The following JAZF1 variants were observed in gnomAD, a reference collection of about 807,000 sequenced individuals.
JAZF1 encodes the protein juxtaposed with another zinc finger protein 1.
Under a neutral mutation model 26.4 loss-of-function variants are expected in JAZF1, and 8 were observed. The ratio of observed to expected loss-of-function variants is 0.30; its 90% CI spans 0.18 to 0.55. The LOEUF (loss-of-function observed/expected upper bound fraction) is 0.55, where lower values mean the gene tolerates loss of function less well. Ranked by LOEUF, JAZF1 falls within the 20% of genes least tolerant of loss-of-function variation. The probability of loss-of-function intolerance (pLI) is 0.94; values close to 1 mark genes in which losing one functional copy is unlikely to be tolerated. For missense variants in JAZF1, 199 were observed against 322.0 expected (o/e 0.62, Z 2.92); for synonymous variants, 126 against 122.3 (o/e 1.03, Z -0.20).
chr7:27,923,868 C>A (rs914545694), intron 2 of JAZF1, among the ~76,000 whole-genome samples: 8 of 152,170 alleles, frequency 5.3e-5, no homozygotes, highest in African/African-American at 1.9e-4. Flanking sequence ...TAAAATGCAA[C>A]CCATCTGGCA....
chr7:27,948,421 G>C (rs929743903), intron 2 of JAZF1, among the ~76,000 whole-genome samples: 26 of 152,304 alleles, frequency 1.7e-4, no homozygotes, highest in Admixed American at 1.7e-3. Context: ...ATAAGGATGA[G>C]AGACTGTAAA....
At chr7:28,156,188 C>T (rs1450918348) in intron 1 of JAZF1, among the ~76,000 whole-genome samples, 1 of 152,188 alleles carries the variant, frequency 6.6e-6, no homozygotes, top group Non-Finnish European at 1.5e-5. Context: ...GTTCTCTTGG[C>T]TCTGTTTACT....
intron 3 of JAZF1, among the ~76,000 whole-genome samples, chr7:27,876,352 G>A (rs1456121668): frequency 6.6e-6 from 1 of 152,140 alleles, no homozygotes; most frequent in Non-Finnish European, 1.5e-5. Context: ...CTGGACTCTA[G>A]AATAGCTTTG....
intron 1 of JAZF1, among the ~76,000 whole-genome samples, chr7:28,088,581 T>A (rs1410091744): frequency 6.6e-6 from 1 of 152,214 alleles, no homozygotes; most frequent in Non-Finnish European, 1.5e-5. Context: ...ATGTGTGTGA[T>A]GAAGTGTAGC....
chr7:28,008,541 C>T (rs1251542469), intron 1 of JAZF1, among the ~76,000 whole-genome samples: 1 of 152,198 alleles, frequency 6.6e-6, no homozygotes, highest in Non-Finnish European at 1.5e-5. Flanking sequence ...ATTGTCTCTC[C>T]AGCAGGAATA....
chr7:27,845,711 A>AAAAAAAAAAAAAAAAAAAAAG (rs1554328474), intron 3 of JAZF1, among the ~76,000 whole-genome samples: 1 of 137,672 alleles, frequency 7.3e-6, no homozygotes, highest in African/African-American at 2.8e-5. Flanking sequence ...AAAAAAAAAA[A>AAAAAAAAAAAAAAAAAAAAAG]AAAGAAAAGA....
chr7:27,945,524 AC>A (rs1449564151), intron 2 of JAZF1, among the ~76,000 whole-genome samples: 1 of 151,958 alleles, frequency 6.6e-6, no homozygotes, highest in African/African-American at 2.4e-5. Context: ...CACTTCCCAC[AC>A]CCAGGTCAAG....
intron 1 of JAZF1, among the ~76,000 whole-genome samples, chr7:28,159,338 A>G (rs1019863888): frequency 1.1e-4 from 16 of 151,728 alleles, no homozygotes; most frequent in African/African-American, 3.6e-4. Flanking sequence ...CATTTTTAAT[A>G]TAACAAATTT....
chr7:28,114,106 T>C (rs1784703507), intron 1 of JAZF1, among the ~76,000 whole-genome samples: 2 of 152,218 alleles, frequency 1.3e-5, no homozygotes, highest in Non-Finnish European at 2.9e-5. Flanking sequence ...AATGGGAATA[T>C]TAACAAGCAA....
Position 27,840,623 on chromosome 7 carries a change from A to G in JAZF1, c.555+75T>C. The G allele has an allele frequency of 6.7e-7, 1 of 1,486,064 alleles. No individual in the cohort carries two copies. Among genetic ancestry groups the G allele is most frequent in the Non-Finnish European group, 9.3e-7 (1 of 1,079,072 alleles). The allele number at this position is 1,486,064 out of a possible 1,614,324, so 92.1% of individuals were successfully genotyped here. A position where few individuals can be genotyped will look rare whatever the true frequency, so the allele number is the denominator to read the frequency against. ...AGCCCATACGCTCGCTTTAAAATCA[A>G]GAAAGGGCTGCTGCCTTCCATGAAG... On this transcript the variant is annotated intron_variant, in intron 4 of 4. Transcript: ENST00000283928. The surrounding 1 kb of genome is among the most constrained non-coding windows in gnomAD (Gnocchi z 5.1).
intron 1 of JAZF1, among the ~76,000 whole-genome samples, chr7:28,013,309 G>A (rs992907395): frequency 1.3e-5 from 2 of 152,186 alleles, no homozygotes; most frequent in African/African-American, 4.8e-5. Context: ...CATAGGGCCT[G>A]CTTGCTAAAT....
At chr7:28,060,633 T>C (rs1164886708) in intron 1 of JAZF1, among the ~76,000 whole-genome samples, 2 of 152,224 alleles carry the variant, frequency 1.3e-5, no homozygotes, top group African/African-American at 4.8e-5. Flanking sequence ...TCCACATAGC[T>C]CTAAGGTTCA....
chr7:27,841,004 G>A, intron 3 of JAZF1, 137 bp from the exon 4 acceptor site: 3 of 793,364 alleles, frequency 3.8e-6, no homozygotes, highest in Non-Finnish European at 4.0e-6. Context: ...CCCGGCACCA[G>A]GGGACTGCAA....
At chr7:27,958,852 G>A (rs1470590667) in intron 2 of JAZF1, among the ~76,000 whole-genome samples, 1 of 152,118 alleles carries the variant, frequency 6.6e-6, no homozygotes, top group Non-Finnish European at 1.5e-5. Context: ...CAATGGGGAG[G>A]GCAGAAGGAG....
chr7:28,127,878 G>C (rs1782722442), intron 1 of JAZF1, among the ~76,000 whole-genome samples: 1 of 152,142 alleles, frequency 6.6e-6, no homozygotes, highest in Non-Finnish European at 1.5e-5. Flanking sequence ...CATGAGAACA[G>C]CAGTATGGCG....
intron 1 of JAZF1, among the ~76,000 whole-genome samples, chr7:28,036,122 C>T (rs781268032): frequency 7.2e-5 from 11 of 152,138 alleles, no homozygotes; most frequent in Non-Finnish European, 1.5e-4. Flanking sequence ...TGTCTTGATG[C>T]ACTAATATGT....
intron 1 of JAZF1, among the ~76,000 whole-genome samples, chr7:28,055,615 T>C (rs1037580017): frequency 6.6e-6 from 1 of 152,248 alleles, no homozygotes; most frequent in Non-Finnish European, 1.5e-5. Context: ...TAATTAATAA[T>C]GTTTTAATAT....
At chr7:27,960,004 G>A (rs1361592407) in intron 2 of JAZF1, among the ~76,000 whole-genome samples, 3 of 152,104 alleles carry the variant, frequency 2.0e-5, no homozygotes, top group Non-Finnish European at 2.9e-5. Context: ...CTGTACCAAC[G>A]TACTGGGGGT....
intron 1 of JAZF1, among the ~76,000 whole-genome samples, chr7:28,017,481 G>A (rs1324059285): frequency 1.3e-5 from 2 of 151,880 alleles, no homozygotes; most frequent in East Asian, 1.9e-4. Flanking sequence ...ACATACTGTC[G>A]CCGTTCAACC....
Sources: gnomAD v4.1 joint callset for allele counts (sites outside exome capture counted in the v4.1 genomes callset) on GRCh38, gnomAD v4.1.1 for gene constraint, Gnocchi (gnomAD v3.1) non-coding constraint, MANE v1.5 for transcripts, NCBI Gene and HGNC (gene_info 2026-07-23, HGNC 2026-07-21) for gene names.